ZNF410: variants seen among roughly 807,000 people sequenced by gnomAD.
The protein encoded by ZNF410 is zinc finger protein 410.
Under a neutral mutation model 54.8 loss-of-function variants are expected in ZNF410, and 18 were observed. That is an observed-to-expected ratio of 0.33 (90% confidence interval 0.23 to 0.49). The LOEUF is 0.49. ZNF410 is among the 20% of genes least tolerant of loss of function. The pLI is 0.99. For synonymous variants in ZNF410, 191 were observed against 207.3 expected (o/e 0.92, Z 0.68); for missense variants, 405 against 569.6 (o/e 0.71, Z 2.94).
chr14:73,894,498 T>G (rs144918786), intron 3 of ZNF410: 67,498 of 681,080 alleles, frequency 0.099, 6,913 homozygotes, highest in East Asian at 0.43. Context: ...CTTGGCTCAC[T>G]GCAACCTCCG....
chr14:73,907,602 A>G (rs2140309037), intron 7 of ZNF410, among the ~76,000 whole-genome samples: 1 of 150,776 alleles, frequency 6.6e-6, no homozygotes, highest in East Asian at 2.0e-4. Flanking sequence ...CTCAAAAAAA[A>G]AAATTTTGAC....
At chr14:73,888,593 C>T (rs778805353) in intron 1 of ZNF410, among the ~76,000 whole-genome samples, 3 of 152,164 alleles carry the variant, frequency 2.0e-5, no homozygotes, top group Middle Eastern at 3.4e-3. Context: ...TTTAATTGTA[C>T]TCTTTAAATG....
chr14:73,913,990 A>G (rs928107683), intron 8 of ZNF410: 36 of 152,160 alleles, frequency 2.4e-4, no homozygotes, highest in African/African-American at 7.0e-4. Flanking sequence ...CTGAGAGTAA[A>G]GATAGTTTTG....
chr14:73,905,288 T>C, intron 7 of ZNF410: 1 of 486,296 alleles, frequency 2.1e-6, no homozygotes, highest in South Asian at 4.7e-5. Flanking sequence ...GAGTAGACAG[T>C]GTTGATTTCT....
intron 8 of ZNF410, among the ~76,000 whole-genome samples, chr14:73,919,647 C>T (rs957518381): frequency 2.0e-5 from 3 of 152,138 alleles, no homozygotes; most frequent in Non-Finnish European, 4.4e-5. Flanking sequence ...CATAGTATTT[C>T]ATGGTGTGTA....
At position 73,891,932 on chromosome 14, in the gene ZNF410, G is replaced by T. The variant is rs1038548544; in HGVS notation, c.-149-95G>T. The T allele has an allele frequency of 5.5e-5, 34 of 615,374 alleles. No individual in the cohort carries two copies. The Admixed American group carries it at 7.7e-4, about 14-fold the overall frequency. The allele number at this position is 615,374 out of a possible 1,614,324, so 38.1% of individuals were successfully genotyped here. A position where few individuals can be genotyped will look rare whatever the true frequency, so the allele number is the denominator to read the frequency against. On this transcript the variant is annotated intron_variant, in intron 1 of 11. Transcript: ENST00000555044. The stretch of plus-strand genomic sequence containing the variant: ...TGAATTCTTTATTTGCTTGCTTGTT[G>T]TGATTTTTTTTGTATATGTAAAGAA...
intron 8 of ZNF410, among the ~76,000 whole-genome samples, chr14:73,910,870 A>AAC (rs1271515559): frequency 1.9e-4 from 29 of 150,090 alleles, no homozygotes; most frequent in African/African-American, 7.3e-4. Context: ...TCAAAAAAAA[A>AAC]AAAAAAAAAG....
At position 73,931,600 on chromosome 14, in the gene ZNF410, G is replaced by C; in HGVS notation, c.*59G>C. 6.6e-7 allele frequency: 1 copy of C among 1,517,940 alleles called. No homozygotes were observed. The highest frequency in any genetic ancestry group is 2.3e-5 in the East Asian group (1 of 44,264). 94.0% of individuals were successfully genotyped at this position (1,517,940 alleles called of 1,614,324 possible). On this transcript the variant is annotated 3_prime_UTR_variant, in exon 12 of 12. Coordinates refer to ENST00000555044, the MANE Select transcript of ZNF410 (RefSeq NM_021188.3). Reference sequence around the variant, plus strand: ...TCTGATCTCAAAATGCGTATACTGGGAACAGGATGCCTTAGCCCACAACAG... The same window carrying C: ...TCTGATCTCAAAATGCGTATACTGGCAACAGGATGCCTTAGCCCACAACAG...
chr14:73,901,239 A>C (rs1400432848), intron 5 of ZNF410, among the ~76,000 whole-genome samples: 1 of 152,228 alleles, frequency 6.6e-6, no homozygotes, highest in Non-Finnish European at 1.5e-5. Context: ...CAAATTGTCT[A>C]AGGCTGCTAC....
intron 11 of ZNF410, among the ~76,000 whole-genome samples, chr14:73,930,812 G>A (rs1741185245): frequency 6.6e-6 from 1 of 152,098 alleles, no homozygotes; most frequent in Admixed American, 6.5e-5. Context: ...TGTTGCCCAA[G>A]TGGGTCTCAA....
chr14:73,905,479 T>C (rs370762359), intron 7 of ZNF410: 1 of 158,242 alleles, frequency 6.3e-6, no homozygotes, highest in Non-Finnish European at 1.4e-5. Context: ...AGGCACTAAA[T>C]GGGGCAGGGT....
intron 8 of ZNF410, among the ~76,000 whole-genome samples, chr14:73,911,632 A>C (rs1336541818): frequency 2.6e-5 from 4 of 152,116 alleles, no homozygotes. Flanking sequence ...AAAGTAGAGA[A>C]ATTTTTTTTT....
chr14:73,892,143 C>T lies in ZNF410; in HGVS notation c.-33C>T, dbSNP rs1490431471. On this transcript the variant is annotated 5_prime_UTR_variant, in exon 2 of 12. Transcript: ENST00000555044. Reference sequence around the variant, plus strand: ...CTCTGAATTAAATTTGAACTTGTCCCCTGAATAGCTACAGGTTTTGGAAGC... The same window carrying T: ...CTCTGAATTAAATTTGAACTTGTCCTCTGAATAGCTACAGGTTTTGGAAGC... 6.2e-7 allele frequency: 1 copy of T among 1,613,384 alleles called. No individual in the cohort carries two copies.
chr14:73,899,501 C>T (rs1228894862), intron 5 of ZNF410, among the ~76,000 whole-genome samples: 5 of 152,080 alleles, frequency 3.3e-5, no homozygotes, highest in Non-Finnish European at 7.4e-5. Flanking sequence ...TTGGTGGGAC[C>T]CTTAAAGTTC....
intron 8 of ZNF410, among the ~76,000 whole-genome samples, chr14:73,911,982 T>C (rs1160224090): frequency 6.6e-6 from 1 of 152,134 alleles, no homozygotes; most frequent in East Asian, 1.9e-4. Context: ...ACGTTTCCTA[T>C]AAATGTAAGT....
At chr14:73,906,924 CTT>C (rs1566658133) in intron 7 of ZNF410, among the ~76,000 whole-genome samples, 1 of 151,924 alleles carries the variant, frequency 6.6e-6, no homozygotes, top group South Asian at 2.1e-4. Context: ...AGTGTACTCT[CTT>C]GTCATAATCT....
intron 1 of ZNF410, among the ~76,000 whole-genome samples, chr14:73,889,794 AG>A (rs1595381614): frequency 7.7e-6 from 1 of 129,836 alleles, no homozygotes; most frequent in Non-Finnish European, 1.6e-5. Flanking sequence ...GTAAATGGTT[AG>A]TTTTTTTTTT....
chr14:73,926,277 C>T (rs1318787956), intron 11 of ZNF410, among the ~76,000 whole-genome samples: 1 of 151,904 alleles, frequency 6.6e-6, no homozygotes, highest in Admixed American at 6.6e-5. Flanking sequence ...TTTTTTCCTC[C>T]CCCTCAAAAA....
At chr14:73,911,645 A>G (rs759572007) in intron 8 of ZNF410, among the ~76,000 whole-genome samples, 16 of 152,178 alleles carry the variant, frequency 1.1e-4, no homozygotes, top group Non-Finnish European at 2.1e-4. Flanking sequence ...TTTTTTTTAT[A>G]TAGCAACAGT....
Sources: allele counts gnomAD v4.1 joint callset (sites outside exome capture counted in the v4.1 genomes callset), GRCh38; gene constraint gnomAD v4.1.1; transcripts MANE v1.5; gene names NCBI Gene and HGNC (gene_info 2026-07-23, HGNC 2026-07-21).